Variants in DPP6 observed in about 807,000 individuals in gnomAD.
DPP6 encodes A-type potassium channel modulatory protein DPP6.
A neutral mutation model predicts 122.6 loss-of-function variants in DPP6; 69 were observed. The observed-to-expected ratio is 0.56, with a 90% CI of 0.46 to 0.69. The LOEUF (loss-of-function observed/expected upper bound fraction) is 0.69. DPP6 is among the 30% of genes least tolerant of loss of function. The pLI is 0.00. For synonymous variants in DPP6, 418 were observed against 433.1 expected, an observed-to-expected ratio of 0.97 and a Z score of 0.43; for missense variants, 928 against 1,116.9, an observed-to-expected ratio of 0.83 and a Z score of 2.41.
rs76810211 is a variant in DPP6 at position 154,699,958 on chromosome 7, G to A, written c.763-27809G>A. On this transcript the variant is annotated intron_variant, in intron 7 of 25. Transcript: ENST00000377770. ...AACCCTGGCTCCTCACCTGAAAAGGGTGTCCTCTTGGGCCAGTGGGCTCCT... is the reference window on the plus strand; with the variant it reads ...AACCCTGGCTCCTCACCTGAAAAGGATGTCCTCTTGGGCCAGTGGGCTCCT... 5.3e-3 allele frequency among the ~76,000 whole-genome samples: 807 copies of A among 152,300 alleles called. 4 individuals carry two copies. The highest frequency in any genetic ancestry group is 0.017 in the African/African-American group (687 of 41,576).
chr7:153,832,594 A>G, the DPP6 span, among the ~76,000 whole-genome samples: 1 of 152,238 alleles, frequency 6.6e-6, no homozygotes, highest in Non-Finnish European at 1.5e-5. Context: ...TAGATACATC[A>G]TTTGCCATCA....
At chr7:153,834,029 G>A in the DPP6 span, among the ~76,000 whole-genome samples, 1 of 152,102 alleles carries the variant, frequency 6.6e-6, no homozygotes, top group Non-Finnish European at 1.5e-5. Flanking sequence ...GCTCATGCCT[G>A]TAATCTCAGC....
the DPP6 span, among the ~76,000 whole-genome samples, chr7:153,825,173 C>CT: frequency 6.6e-6 from 1 of 152,192 alleles, no homozygotes; most frequent in Non-Finnish European, 1.5e-5. Context: ...ATCTTCCTTT[C>CT]ATTTTCTTTG....
In DPP6 at chr7:154,198,035, A is replaced by G. The variant is rs112497168; in HGVS notation, c.243+144972A>G. ...GAGCAGAACCATTTTGGGGTTTCCCATCCATTCAGTGCTCCCACTGAGGTC... is the reference window on the plus strand; with the variant it reads ...GAGCAGAACCATTTTGGGGTTTCCCGTCCATTCAGTGCTCCCACTGAGGTC... On this transcript the variant is annotated intron_variant, in intron 1 of 25. Coordinates refer to ENST00000377770, the MANE Select transcript of DPP6 (RefSeq NM_130797.4). 4.4e-3 allele frequency among the ~76,000 whole-genome samples: 664 copies of G among 152,302 alleles called. 8 individuals are homozygous for G. The highest frequency in any genetic ancestry group is 0.015 in the African/African-American group (632 of 41,566).
At chr7:154,128,949 G>A (rs950068789) in intron 1 of DPP6, among the ~76,000 whole-genome samples, 3 of 151,918 alleles carry the variant, frequency 2.0e-5, no homozygotes, top group South Asian at 2.1e-4. Flanking sequence ...AGAATATGCC[G>A]TCCTGGGCAG....
Position 154,755,394 on chromosome 7 carries a change from G to A in DPP6, c.884-14023G>A, listed in dbSNP as rs572320562. 1.7e-4 allele frequency among the ~76,000 whole-genome samples: 26 copies of A among 152,234 alleles called. No homozygotes were observed. Among genetic ancestry groups the A allele is most frequent in the Non-Finnish European group, 3.4e-4 (23 of 68,016 alleles). On this transcript the variant is annotated intron_variant, in intron 8 of 25. Coordinates refer to ENST00000377770, the MANE Select transcript of DPP6 (RefSeq NM_130797.4). This position sits in a 1 kb window ranked among gnomAD's most constrained non-coding sequence, Gnocchi z 4.7. ...AGGTGAGGAGACTGGAGACAGGCAG[G>A]TGCAGAAATGTCTCTGTCAGTATTT...
intron 1 of DPP6, among the ~76,000 whole-genome samples, chr7:153,899,149 T>TTATTTATCCTCCTCC (rs1349216542): frequency 1.3e-5 from 2 of 151,516 alleles, no homozygotes; most frequent in African/African-American, 4.9e-5. Flanking sequence ...TCTCCTTCTC[T>TTATTTATCCTCCTCC]TATTTATCCT....
intron 4 of DPP6, among the ~76,000 whole-genome samples, chr7:154,564,842 A>G (rs1217724053): frequency 6.6e-6 from 1 of 152,196 alleles, no homozygotes; most frequent in East Asian, 1.9e-4. Context: ...GGCATTCCCA[A>G]CTGCAGCAGA....
intron 1 of DPP6, among the ~76,000 whole-genome samples, chr7:154,348,022 G>A (rs576480811): frequency 1.1e-4 from 16 of 152,210 alleles, no homozygotes; most frequent in Admixed American, 7.9e-4. Context: ...GCCTTTTGAC[G>A]GTTTGAGGAA....
At chr7:154,289,896 G>A (rs919205878) in intron 1 of DPP6, among the ~76,000 whole-genome samples, 6 of 152,208 alleles carry the variant, frequency 3.9e-5, no homozygotes, top group African/African-American at 7.2e-5. Context: ...GAGCCAGGGT[G>A]ATGAGGCTAA....
chr7:154,113,233 G>A (rs183861189), intron 1 of DPP6, among the ~76,000 whole-genome samples: 118 of 152,208 alleles, frequency 7.8e-4, no homozygotes, highest in African/African-American at 2.5e-3. Context: ...TTTTGGATAC[G>A]TACCTGGAAA....
intron 17 of DPP6, among the ~76,000 whole-genome samples, chr7:154,861,135 GAA>G (rs1396396942): frequency 6.6e-6 from 1 of 152,180 alleles, no homozygotes; most frequent in Admixed American, 6.5e-5. Context: ...GCCAAAGAGA[GAA>G]AGTCTCATTA....
At chr7:154,185,044 G>A (rs973837053) in intron 1 of DPP6, among the ~76,000 whole-genome samples, 10 of 152,132 alleles carry the variant, frequency 6.6e-5, no homozygotes, top group Non-Finnish European at 1.3e-4. Context: ...GTGTATATAT[G>A]TTTTCCTTCA....
At chr7:154,382,472 G>A (rs576029902) in intron 1 of DPP6, among the ~76,000 whole-genome samples, 14 of 152,326 alleles carry the variant, frequency 9.2e-5, no homozygotes, top group African/African-American at 2.2e-4. Context: ...TGGGAGATAC[G>A]CCTATTCTGG....
intron 5 of DPP6, among the ~76,000 whole-genome samples, chr7:154,571,937 G>A (rs929619713): frequency 6.6e-6 from 1 of 152,226 alleles, no homozygotes; most frequent in Admixed American, 6.5e-5. Flanking sequence ...TTGCACTCAG[G>A]GTCTTCTATA....
chr7:154,817,382 A>G (rs1250688909), intron 16 of DPP6, among the ~76,000 whole-genome samples: 1 of 152,174 alleles, frequency 6.6e-6, no homozygotes, highest in Non-Finnish European at 1.5e-5. Context: ...AAAAGTCATG[A>G]TGTCATTAAC....
At chr7:154,251,832 T>C (rs191516807) in intron 1 of DPP6, among the ~76,000 whole-genome samples, 1 of 152,282 alleles carries the variant, frequency 6.6e-6, no homozygotes, top group Non-Finnish European at 1.5e-5. Flanking sequence ...TTACATCCAA[T>C]GGTGCCCACC....
intron 7 of DPP6, among the ~76,000 whole-genome samples, chr7:154,704,507 G>A (rs1301370436): frequency 1.3e-5 from 2 of 152,286 alleles, no homozygotes; most frequent in African/African-American, 4.8e-5. Context: ...GAAAGCTTTT[G>A]TGAAAGGAAG....
intron 1 of DPP6, among the ~76,000 whole-genome samples, chr7:154,020,373 G>C (rs4621711): frequency 6.6e-6 from 1 of 151,298 alleles, no homozygotes; most frequent in African/African-American, 2.4e-5. Flanking sequence ...AAGAATAAAC[G>C]GTTGGAGAAG....
Sources: allele counts gnomAD v4.1 joint callset (sites outside exome capture counted in the v4.1 genomes callset), GRCh38; gene constraint gnomAD v4.1.1; non-coding constraint Gnocchi (gnomAD v3.1); transcripts MANE v1.5; gene names NCBI Gene and HGNC (gene_info 2026-07-23, HGNC 2026-07-21).